The following SLC38A1 variants were observed in gnomAD, a reference collection of about 807,000 sequenced individuals.
SLC38A1 encodes solute carrier family 38 member 1.
Under a neutral mutation model 60.3 loss-of-function variants are expected in SLC38A1, and 18 were observed. The ratio of observed to expected loss-of-function variants is 0.30; its 90% confidence interval spans 0.21 to 0.44. The LOEUF (loss-of-function observed/expected upper bound fraction) is 0.44, where lower values mean the gene tolerates loss of function less well. Ranked by LOEUF, SLC38A1 falls within the 20% of genes least tolerant of loss-of-function variation. The pLI, the probability that SLC38A1 is intolerant of heterozygous loss-of-function variation, is 1.00. For missense variants in SLC38A1, 448 were observed against 587.2 expected, an observed-to-expected ratio of 0.76 and a Z score of 2.45; for synonymous variants, 196 against 212.1, an observed-to-expected ratio of 0.92 and a Z score of 0.66.
intron 16 of SLC38A1, among the ~76,000 whole-genome samples, chr12:46,191,398 A>T (rs371254245): frequency 3.9e-5 from 6 of 152,100 alleles, no homozygotes; most frequent in African/African-American, 1.4e-4. Flanking sequence ...TTTGCATAGG[A>T]TTGTCTTGAC....
In SLC38A1 at chr12:46,207,533, A is replaced by C. The variant is rs757419308; in HGVS notation, c.477T>G (p.Thr159=). ...AGAAAAGCATGTTCTTTTTACCTCC[A>C]GTGTTCTGTAGAGAGGTGGCTCCAA... ...VIFGATSLQN[T]GAMLSYLFIV... Residue 159 remains threonine, a synonymous_variant, in exon 7 of 17, where the codon ACT becomes ACG. Transcript: ENST00000398637. 1.9e-6 allele frequency: 3 copies of C among 1,613,242 alleles called. No individual in the cohort carries two copies. Among genetic ancestry groups the C allele is most frequent in the Non-Finnish European group, 2.5e-6 (3 of 1,179,226 alleles).
intron 3 of SLC38A1, among the ~76,000 whole-genome samples, chr12:46,230,506 T>A (rs1941034512): frequency 6.6e-6 from 1 of 152,194 alleles, no homozygotes; most frequent in South Asian, 2.1e-4. Context: ...ATCAAGTTAT[T>A]GGGAGACTTA....
rs1016233965 is a variant in SLC38A1 at position 46,268,286 on chromosome 12, G to A, written c.-209+240C>T. On this transcript the variant is annotated intron_variant, in intron 1 of 16. Coordinates refer to ENST00000398637, the MANE Select transcript of SLC38A1 (RefSeq NM_030674.4). This position sits in a 1 kb window ranked among gnomAD's most constrained non-coding sequence, Gnocchi z 4.4. ...AAAACAAACCAAAAAGTAAGCCACA[G>A]CCCACGCAAAGGTGAACTCGGGGGC... is the stretch of plus-strand genomic sequence containing the variant. 6.6e-6 allele frequency among the ~76,000 whole-genome samples: 1 copy of A among 152,212 alleles called. No homozygotes were observed. Among genetic ancestry groups the A allele is most frequent in the Non-Finnish European group, 1.5e-5 (1 of 68,024 alleles).
At chr12:46,258,354 G>A (rs1942097318) in intron 1 of SLC38A1, among the ~76,000 whole-genome samples, 1 of 152,118 alleles carries the variant, frequency 6.6e-6, no homozygotes, top group Admixed American at 6.5e-5. Flanking sequence ...GACAGAAGTA[G>A]TTCAGATTTT....
At chr12:46,224,537 C>A (rs931528853) in intron 5 of SLC38A1, among the ~76,000 whole-genome samples, 1 of 152,286 alleles carries the variant, frequency 6.6e-6, no homozygotes, top group Admixed American at 6.5e-5. Flanking sequence ...CACTAAGGAG[C>A]CTTCCCAGCT....
At chr12:46,225,099 T>C (rs948420649) in intron 5 of SLC38A1, among the ~76,000 whole-genome samples, 7 of 152,118 alleles carry the variant, frequency 4.6e-5, no homozygotes, top group Admixed American at 2.0e-4. Flanking sequence ...AATATAATAG[T>C]AGACAATAAT....
chr12:46,186,125 C>T lies in SLC38A1; in HGVS notation c.*2845G>A, dbSNP rs1420799439. ...CCTGGTCTCTAAAGGAAAATACATTCCAGGTTGCAAACAACCAACTGACAA... is the reference window on the plus strand; with the variant it reads ...CCTGGTCTCTAAAGGAAAATACATTTCAGGTTGCAAACAACCAACTGACAA... On this transcript the variant is annotated 3_prime_UTR_variant, in exon 17 of 17. Transcript: ENST00000398637. 1 of 152,186 alleles carries T rather than the reference C, an allele frequency of 6.6e-6. No individual in the cohort carries two copies. The highest frequency in any genetic ancestry group is 1.5e-5 in the Non-Finnish European group (1 of 68,018). The allele number at this position is 152,186 out of a possible 1,614,324, so 9.4% of individuals were successfully genotyped here.
At chr12:46,200,534 G>T (rs950044059) in intron 13 of SLC38A1, among the ~76,000 whole-genome samples, 2 of 152,042 alleles carry the variant, frequency 1.3e-5, no homozygotes, top group African/African-American at 2.4e-5. Context: ...AGCAGTAAAC[G>T]CCGGTAAACT....
chr12:46,249,006 A>C (rs1294680214), intron 1 of SLC38A1, among the ~76,000 whole-genome samples: 3 of 152,028 alleles, frequency 2.0e-5, no homozygotes. Context: ...AATACAAAAA[A>C]TTAACCAGGT....
chr12:46,262,275 T>A (rs1259910778), intron 1 of SLC38A1, among the ~76,000 whole-genome samples: 1 of 152,168 alleles, frequency 6.6e-6, no homozygotes, highest in Non-Finnish European at 1.5e-5. Context: ...ATATCAGAAA[T>A]TTTGAAACAA....
chr12:46,210,579 T>G (rs1422741505), intron 5 of SLC38A1, among the ~76,000 whole-genome samples: 1 of 152,304 alleles, frequency 6.6e-6, no homozygotes, highest in East Asian at 1.9e-4. Flanking sequence ...TCACCTTGAA[T>G]TGTAACTCCC....
rs528885892 is a variant in SLC38A1, at chr12:46,268,382, G to A, written c.-209+144C>T. On this transcript the variant is annotated intron_variant, in intron 1 of 16. Coordinates refer to ENST00000398637, the MANE Select transcript of SLC38A1 (RefSeq NM_030674.4). The surrounding 1 kb of genome is among the most constrained non-coding windows in gnomAD (Gnocchi z 4.4). The stretch of plus-strand genomic sequence containing the variant: ...GACCTGGACTTTTCCTCTCCTAAAA[G>A]CAACATCCGAAAGCATCGGGCACAG... The A allele has an allele frequency of 6.6e-6, 1 of 152,382 alleles. No individual in the cohort carries two copies. The highest frequency in any genetic ancestry group is 1.5e-5 in the Non-Finnish European group (1 of 68,146). 9.4% of individuals were successfully genotyped at this position (152,382 alleles called of 1,614,324 possible).
At chr12:46,253,475 T>C (rs1222750132) in intron 1 of SLC38A1, among the ~76,000 whole-genome samples, 4 of 152,242 alleles carry the variant, frequency 2.6e-5, no homozygotes, top group Non-Finnish European at 5.9e-5. Context: ...GATGTTGCCA[T>C]GGCATTTGTA....
intron 5 of SLC38A1, among the ~76,000 whole-genome samples, chr12:46,223,844 G>A (rs1174552473): frequency 6.6e-6 from 1 of 152,154 alleles, no homozygotes; most frequent in African/African-American, 2.4e-5. Context: ...AATAATACAT[G>A]TTAAGAAGTT....
intron 5 of SLC38A1, among the ~76,000 whole-genome samples, chr12:46,214,798 C>T (rs1940329331): frequency 6.6e-6 from 1 of 152,158 alleles, no homozygotes; most frequent in African/African-American, 2.4e-5. Flanking sequence ...CCCAACACAG[C>T]ATCAGAACCT....
chr12:46,253,195 G>T (rs58470507), intron 1 of SLC38A1, among the ~76,000 whole-genome samples: 5,924 of 152,100 alleles, frequency 0.039, 326 homozygotes, highest in East Asian at 0.26. Flanking sequence ...AAAATGTTTG[G>T]GACCAGAAGT....
At chr12:46,261,042 C>A (rs1041302048) in intron 1 of SLC38A1, among the ~76,000 whole-genome samples, 10 of 152,208 alleles carry the variant, frequency 6.6e-5, no homozygotes, top group Non-Finnish European at 1.2e-4. Flanking sequence ...ATTTTCCATT[C>A]CTGCAATGGG....
At position 46,188,943 on chromosome 12, in the gene SLC38A1, A is replaced by C. The variant is rs1355522892; in HGVS notation, c.*27T>G. 34 of 1,591,106 alleles carry C rather than the reference A, an allele frequency of 2.1e-5. No homozygotes were observed. Among genetic ancestry groups the C allele is most frequent in the Non-Finnish European group, 2.8e-5 (33 of 1,160,876 alleles). On this transcript the variant is annotated 3_prime_UTR_variant, in exon 17 of 17. Transcript: ENST00000398637. ...GTGGGGACTTGACTGAGCAGACAAC[A>C]GGGATGTTTCTTTTTCTCGGCGGGT...
intron 13 of SLC38A1, among the ~76,000 whole-genome samples, chr12:46,200,086 T>A (rs1211144125): frequency 6.6e-6 from 1 of 152,178 alleles, no homozygotes; most frequent in Non-Finnish European, 1.5e-5. Context: ...ACAGTGAGAC[T>A]TCAACTAACA....
Sources: gnomAD v4.1 joint callset for allele counts (sites outside exome capture counted in the v4.1 genomes callset) on GRCh38, gnomAD v4.1.1 for gene constraint, Gnocchi (gnomAD v3.1) non-coding constraint, MANE v1.5 for transcripts, NCBI Gene and HGNC (gene_info 2026-07-23, HGNC 2026-07-21) for gene names.